DPY19L1: variants seen among roughly 807,000 people sequenced by gnomAD.
DPY19L1 encodes the protein dpy-19 like C-mannosyltransferase 1, also known as protein C-mannosyl-transferase DPY19L1.
Under a neutral mutation model 96.9 loss-of-function variants are expected in DPY19L1, and 35 were observed. The observed-to-expected ratio is 0.36, with a 90% confidence interval of 0.28 to 0.48. DPY19L1 has a LOEUF of 0.48. Among genes scored for constraint, DPY19L1 ranks in the 20% least tolerant of loss-of-function variants. DPY19L1 has a pLI of 0.99. For missense variants in DPY19L1, 521 were observed against 777.9 expected (o/e 0.67, Z 3.93); for synonymous variants, 205 against 252.6 (o/e 0.81, Z 1.79).
intron 7 of DPY19L1, among the ~76,000 whole-genome samples, chr7:34,983,563 G>C (rs1418382417): frequency 6.7e-6 from 1 of 148,168 alleles, no homozygotes; most frequent in Admixed American, 6.8e-5. Flanking sequence ...AGGGAGGGAG[G>C]GAGGGATGGA....
chr7:34,938,341 C>A (rs1208384439), intron 20 of DPY19L1, among the ~76,000 whole-genome samples: 1 of 152,206 alleles, frequency 6.6e-6, no homozygotes, highest in African/African-American at 2.4e-5. Context: ...CACACCCCTA[C>A]ATTCCCAAAC....
intron 15 of DPY19L1, among the ~76,000 whole-genome samples, 174 bp downstream of exon 15, chr7:34,947,456 T>C (rs1784172763): frequency 6.6e-6 from 1 of 152,210 alleles, no homozygotes. Flanking sequence ...AGATAGAATA[T>C]TTTGAAGCTA....
At chr7:34,952,396 T>TA (rs1784286501) in intron 13 of DPY19L1, among the ~76,000 whole-genome samples, 1 of 152,094 alleles carries the variant, frequency 6.6e-6, no homozygotes, top group African/African-American at 2.4e-5. Flanking sequence ...GAATTTGTAG[T>TA]AAAAAACCTA....
At chr7:35,037,841 C>A, upstream of DPY19L1, 2 of 1,232,506 alleles carry the variant, frequency 1.6e-6, no homozygotes, top group Non-Finnish European at 1.0e-6. Context: ...GCGCGGGGCT[C>A]GGCCGGTGCG....
chr7:34,982,827 G>T (rs1455170969), intron 7 of DPY19L1, among the ~76,000 whole-genome samples: 2 of 152,274 alleles, frequency 1.3e-5, no homozygotes, highest in Admixed American at 1.3e-4. Context: ...AGAGGAGTGG[G>T]GGAGAGTCAG....
chr7:34,957,929 A>T (rs1227652331), intron 11 of DPY19L1, 55 bp downstream of exon 11: 2 of 1,211,830 alleles, frequency 1.7e-6, no homozygotes, highest in Non-Finnish European at 2.3e-6. Flanking sequence ...GTGAAGAAAA[A>T]ATTGTTAAAC....
chr7:35,014,405 A>G (rs1785790335), intron 3 of DPY19L1, among the ~76,000 whole-genome samples: 1 of 151,988 alleles, frequency 6.6e-6, no homozygotes, highest in East Asian at 1.9e-4. Flanking sequence ...AGACAAAAAA[A>G]AAACAAGAAA....
intron 21 of DPY19L1, among the ~76,000 whole-genome samples, chr7:34,933,471 T>C (rs982911406): frequency 8.5e-5 from 13 of 152,156 alleles, no homozygotes; most frequent in Non-Finnish European, 1.5e-4. Context: ...ATGGTCAGTA[T>C]TGAGTGTCAA....
chr7:35,035,077 G>C (rs142723039), intron 1 of DPY19L1, among the ~76,000 whole-genome samples: 1 of 152,334 alleles, frequency 6.6e-6, no homozygotes, highest in East Asian at 1.9e-4. Context: ...TGACGGTACA[G>C]AGCCAGAGAA....
rs143875360 is a variant in DPY19L1 at position 35,017,827 on chromosome 7, T to G, written c.411+55A>C. 2,801 of 1,354,106 alleles carry G rather than the reference T, an allele frequency of 2.1e-3. 35 individuals are homozygous for G. The highest frequency in any genetic ancestry group is 0.019 in the African/African-American group (1,314 of 67,662). The allele number at this position is 1,354,106 out of a possible 1,614,324, so 83.9% of individuals were successfully genotyped here. On this transcript the variant is annotated intron_variant, in intron 3 of 21. Transcript: ENST00000638088. ...TTGAAATTTTCCATAATAAAAAATA[T>G]TAAATGTTTTTAAATTCCTAAAGTA... is the stretch of plus-strand genomic sequence containing the variant.
At chr7:35,017,722 G>C (rs938996682) in intron 3 of DPY19L1, among the ~76,000 whole-genome samples, 160 bp downstream of exon 3, 5 of 151,886 alleles carry the variant, frequency 3.3e-5, no homozygotes, top group Non-Finnish European at 7.4e-5. Context: ...CATAGTGAGT[G>C]GGGGTGTAGA....
chr7:35,017,158 T>C (rs1785870413), intron 3 of DPY19L1, among the ~76,000 whole-genome samples: 2 of 152,196 alleles, frequency 1.3e-5, no homozygotes, highest in South Asian at 4.1e-4. Context: ...CTTATGAAAG[T>C]ATGAAAGCAT....
intron 9 of DPY19L1, among the ~76,000 whole-genome samples, chr7:34,967,854 TC>T (rs1784644415): frequency 6.6e-6 from 1 of 152,244 alleles, no homozygotes; most frequent in Admixed American, 6.5e-5. Flanking sequence ...CAACAAAGTT[TC>T]CCTTTATTCA....
intron 21 of DPY19L1, among the ~76,000 whole-genome samples, chr7:34,937,583 TA>T (rs963082012): frequency 5.3e-5 from 8 of 151,182 alleles, no homozygotes; most frequent in Non-Finnish European, 7.4e-5. Context: ...AATCATTATT[TA>T]AAAAAAAAAG....
chr7:35,018,082 A>G (rs1295264009), intron 2 of DPY19L1, 113 bp from the exon 3 acceptor site: 6 of 658,228 alleles, frequency 9.1e-6, no homozygotes, highest in African/African-American at 1.8e-5. Flanking sequence ...TAATTTTGTA[A>G]TAACACTCAA....
intron 5 of DPY19L1, 42 bp downstream of exon 5, chr7:35,011,288 G>A (rs1180408036): frequency 5.6e-6 from 9 of 1,601,718 alleles, no homozygotes; most frequent in Non-Finnish European, 6.8e-6. Flanking sequence ...AGTTTATTAT[G>A]TTACAACAGA....
rs1181792585 is a variant in DPY19L1, at chr7:34,942,603, T to C, written c.1569+12A>G. 1.9e-6 allele frequency: 3 copies of C among 1,582,816 alleles called. No homozygotes were observed. The highest frequency in any genetic ancestry group is 1.9e-5 in the Admixed American group (1 of 53,832). ...TAAGATAAGTAAAATTATAGTCATA[T>C]TAAGTCTTTACCTCTCCATGATCAA... On this transcript the variant is annotated intron_variant, in intron 17 of 21. Transcript: ENST00000638088.
chr7:34,959,929 A>ATATT (rs1562807015), intron 10 of DPY19L1, among the ~76,000 whole-genome samples: 80 of 50,364 alleles, frequency 1.6e-3, no homozygotes, highest in Non-Finnish European at 2.4e-3. Flanking sequence ...ATATATTTAT[A>ATATT]TATATATATA....
chr7:34,973,155 A>T (rs1482867712), intron 8 of DPY19L1, among the ~76,000 whole-genome samples: 1 of 152,202 alleles, frequency 6.6e-6, no homozygotes, highest in Non-Finnish European at 1.5e-5. Flanking sequence ...GCCCCAAAGG[A>T]TTGTATCTTA....
Sources: allele counts gnomAD v4.1 joint callset (sites outside exome capture counted in the v4.1 genomes callset), GRCh38; gene constraint gnomAD v4.1.1; transcripts MANE v1.5; gene names NCBI Gene and HGNC (gene_info 2026-07-23, HGNC 2026-07-21).